Variants in CAMKMT observed in about 807,000 individuals in gnomAD.
The protein encoded by CAMKMT is CaM KMT.
Under a neutral mutation model 48.0 loss-of-function variants are expected in CAMKMT, and 53 were observed. That is an observed-to-expected ratio of 1.10 (90% CI 0.89 to 1.39). CAMKMT has a LOEUF of 1.39. Among genes scored for constraint, CAMKMT ranks in the 40% most tolerant of loss-of-function variants. The probability of loss-of-function intolerance (pLI) is 0.00; values close to 1 mark genes in which losing one functional copy is unlikely to be tolerated. For synonymous variants in CAMKMT, 165 were observed against 152.3 expected (o/e 1.08, Z -0.61); for missense variants, 428 against 402.7 (o/e 1.06, Z -0.54).
At chr2:44,577,037 A>G (rs142283516) in intron 3 of CAMKMT, among the ~76,000 whole-genome samples, 154 of 152,314 alleles carry the variant, frequency 1.0e-3, no homozygotes, top group African/African-American at 3.6e-3. Flanking sequence ...GTGTTTTTCA[A>G]ATCTGCACTA....
intron 3 of CAMKMT, among the ~76,000 whole-genome samples, chr2:44,664,144 G>T (rs553289126): frequency 4.1e-4 from 63 of 152,330 alleles, no homozygotes; most frequent in African/African-American, 1.7e-4. Flanking sequence ...ATTAAAAGCA[G>T]CAGAGTGGAA....
intron 3 of CAMKMT, among the ~76,000 whole-genome samples, chr2:44,637,994 G>A (rs933658452): frequency 2.0e-5 from 3 of 150,488 alleles, no homozygotes; most frequent in Non-Finnish European, 4.4e-5. Context: ...GAACTCGGGA[G>A]GCAGAGGTTG....
intron 3 of CAMKMT, among the ~76,000 whole-genome samples, chr2:44,447,173 C>T (rs1480421834): frequency 6.6e-6 from 1 of 152,154 alleles, no homozygotes; most frequent in Non-Finnish European, 1.5e-5. Flanking sequence ...GATAAGGAAA[C>T]TGAGGTTCCT....
chr2:44,695,748 A>T (rs1406759285), intron 3 of CAMKMT, among the ~76,000 whole-genome samples: 3 of 152,152 alleles, frequency 2.0e-5, no homozygotes, highest in African/African-American at 7.2e-5. Context: ...GACTTAGCAG[A>T]TATGAGAAAG....
chr2:44,692,411 G>C (rs1282409939), intron 3 of CAMKMT, among the ~76,000 whole-genome samples: 1 of 152,158 alleles, frequency 6.6e-6, no homozygotes. Flanking sequence ...TCTGGCCAAA[G>C]TAGCCACCTG....
chr2:44,729,707 G>A (rs1338592410), intron 7 of CAMKMT, among the ~76,000 whole-genome samples: 1 of 152,146 alleles, frequency 6.6e-6, no homozygotes, highest in African/African-American at 2.4e-5. Context: ...CATGTGATCA[G>A]GCAAGCCGCT....
intron 3 of CAMKMT, among the ~76,000 whole-genome samples, chr2:44,620,140 T>G (rs1442374835): frequency 2.6e-5 from 4 of 152,246 alleles, no homozygotes; most frequent in African/African-American, 9.6e-5. Flanking sequence ...TTAATATAAT[T>G]AAGATAGAAT....
chr2:44,546,184 CACACACACACACACACACAT>C (rs1442600039), intron 3 of CAMKMT, among the ~76,000 whole-genome samples: 1 of 138,098 alleles, frequency 7.2e-6, no homozygotes, highest in Admixed American at 8.6e-5. Context: ...CACACACACA[CACACACACACACACACACAT>C]ACATGCACAT....
At chr2:44,711,114 TAGATG>T (rs1457911001) in intron 6 of CAMKMT, among the ~76,000 whole-genome samples, 21 of 152,320 alleles carry the variant, frequency 1.4e-4, no homozygotes, top group Admixed American at 1.2e-3. Flanking sequence ...GCCTGTACCA[TAGATG>T]GTTAATAACA....
rs144330332 is a variant in CAMKMT at position 44,438,588 on chromosome 2, GTATAGAGTTCCTT to G, written c.376+48284_376+48296del. On this transcript the variant is annotated intron_variant, in intron 3 of 10. Transcript: ENST00000378494. ...GACGTAAAGTTAGGCTCTTAATGCA[GTATAGAGTTCCTT>G]AAAGATATGATCCCTACCTGTCTTC... Among the ~76,000 whole-genome samples the G allele has an allele frequency of 3.5e-3, 533 of 152,262 alleles. 2 individuals are homozygous for G. The highest frequency in any genetic ancestry group is 0.012 in the African/African-American group (494 of 41,552).
chr2:44,457,654 C>T (rs960409463), intron 3 of CAMKMT, among the ~76,000 whole-genome samples: 10 of 152,112 alleles, frequency 6.6e-5, no homozygotes, highest in Non-Finnish European at 1.3e-4. Context: ...GCCTTGGCCT[C>T]CCAAAAGTGC....
intron 2 of CAMKMT, among the ~76,000 whole-genome samples, chr2:44,375,080 A>T (rs1305404746): frequency 3.9e-5 from 6 of 152,148 alleles, no homozygotes. Flanking sequence ...GCAGTGAGCC[A>T]TAATCATGCC....
chr2:44,745,952 G>A (rs1679899422), intron 8 of CAMKMT, among the ~76,000 whole-genome samples: 1 of 152,094 alleles, frequency 6.6e-6, no homozygotes, highest in Non-Finnish European at 1.5e-5. Flanking sequence ...CTGCTTCTAG[G>A]GGCAGGCAGG....
chr2:44,384,379 C>T (rs1572703796), intron 2 of CAMKMT, among the ~76,000 whole-genome samples: 1 of 151,666 alleles, frequency 6.6e-6, no homozygotes, highest in African/African-American at 2.4e-5. Flanking sequence ...AATATTAGGC[C>T]TTTGTCAGAT....
At chr2:44,766,313 C>G in intron 9 of CAMKMT, 117 bp from the exon 10 acceptor site, 2 of 1,107,060 alleles carry the variant, frequency 1.8e-6, no homozygotes, top group South Asian at 2.8e-5. Flanking sequence ...ATAGACATCT[C>G]AAGAACAATT....
intron 5 of CAMKMT, 51 bp downstream of exon 5, chr2:44,706,392 A>G: frequency 6.3e-7 from 1 of 1,586,648 alleles, no homozygotes; most frequent in Non-Finnish European, 8.7e-7. Flanking sequence ...ACAAAAGGAA[A>G]AATGTTCCAG....
rs76922823 is a variant in CAMKMT, at chr2:44,422,696, C to CT, written c.376+32404dup. The stretch of plus-strand genomic sequence containing the variant: ...TGGTCATTAGTTGGAACATAAATTT[C>CT]TTTTTTTTTTTTTAATTTTCAAACA... On this transcript the variant is annotated intron_variant, in intron 3 of 10. Transcript: ENST00000378494. 1.7e-3 allele frequency among the ~76,000 whole-genome samples: 243 copies of CT among 144,832 alleles called. 1 individual carries two copies. Among genetic ancestry groups the CT allele is most frequent in the Middle Eastern group, 0.014 (4 of 278 alleles).
chr2:44,518,803 G>A (rs1670959074), intron 3 of CAMKMT, among the ~76,000 whole-genome samples: 1 of 152,198 alleles, frequency 6.6e-6, no homozygotes, highest in South Asian at 2.1e-4. Flanking sequence ...AATCAAGTGA[G>A]TGCATATTCA....
intron 3 of CAMKMT, among the ~76,000 whole-genome samples, chr2:44,678,145 A>C (rs1675819817): frequency 6.6e-6 from 1 of 152,240 alleles, no homozygotes; most frequent in Admixed American, 6.5e-5. Flanking sequence ...TTAGCAACAA[A>C]AACACCAACA....
Sources: gnomAD v4.1 joint callset for allele counts (sites outside exome capture counted in the v4.1 genomes callset) on GRCh38, gnomAD v4.1.1 for gene constraint, MANE v1.5 for transcripts, NCBI Gene and HGNC (gene_info 2026-07-23, HGNC 2026-07-21) for gene names.